Variants in CSGALNACT1 observed in about 807,000 individuals in gnomAD.
CSGALNACT1 encodes chondroitin sulfate N-acetylgalactosaminyltransferase 1, also known as beta4GalNAcT-1.
A neutral mutation model predicts 51.0 loss-of-function variants in CSGALNACT1; 52 were observed. The ratio of observed to expected loss-of-function variants is 1.02; its 90% confidence interval spans 0.82 to 1.29. CSGALNACT1 has a LOEUF of 1.29. Among genes scored for constraint, CSGALNACT1 ranks in the 50% most tolerant of loss-of-function variants. The pLI is 0.00. For synonymous variants in CSGALNACT1, 341 were observed against 254.4 expected (o/e 1.34, Z -3.24); for missense variants, 935 against 679.2 (o/e 1.38, Z -4.19).
At chr8:19,480,050 G>A (rs1302632932) in intron 4 of CSGALNACT1, among the ~76,000 whole-genome samples, 5 of 152,136 alleles carry the variant, frequency 3.3e-5, no homozygotes, top group Non-Finnish European at 5.9e-5. Flanking sequence ...CTACAACAAT[G>A]CATATTTCAG....
At chr8:19,592,930 T>A (rs551930895) in intron 2 of CSGALNACT1, among the ~76,000 whole-genome samples, 1 of 152,358 alleles carries the variant, frequency 6.6e-6, no homozygotes, top group East Asian at 1.9e-4. Context: ...TTTTTCTACT[T>A]TACATTGGGT....
intron 3 of CSGALNACT1, among the ~76,000 whole-genome samples, chr8:19,524,818 A>T (rs577072600): frequency 6.6e-6 from 1 of 152,324 alleles, no homozygotes; most frequent in South Asian, 2.1e-4. Context: ...GAACAGACAT[A>T]AACAAGAACA....
chr8:19,632,181 A>G (rs905466808), intron 1 of CSGALNACT1, among the ~76,000 whole-genome samples: 1 of 152,264 alleles, frequency 6.6e-6, no homozygotes, highest in African/African-American at 2.4e-5. Context: ...ATTTTTTGCA[A>G]ATGTGAACTT....
At chr8:19,661,424 T>A (rs2058734511) in intron 1 of CSGALNACT1, among the ~76,000 whole-genome samples, 1 of 152,210 alleles carries the variant, frequency 6.6e-6, no homozygotes, top group African/African-American at 2.4e-5. Flanking sequence ...ATTTATTAAA[T>A]GAAGGTAAAA....
intron 1 of CSGALNACT1, among the ~76,000 whole-genome samples, chr8:19,693,666 T>C (rs2061443808): frequency 6.6e-6 from 1 of 152,132 alleles, no homozygotes; most frequent in South Asian, 2.1e-4. Context: ...AGTTCTTACC[T>C]GTTTGTGATC....
chr8:19,442,701 C>A (rs1168603869), intron 5 of CSGALNACT1, among the ~76,000 whole-genome samples: 3 of 127,370 alleles, frequency 2.4e-5, no homozygotes, highest in African/African-American at 8.2e-5. Flanking sequence ...CACATGTACC[C>A]TAAAACTTAA....
chr8:19,579,914 G>C (rs1564131687), intron 3 of CSGALNACT1, among the ~76,000 whole-genome samples: 1 of 152,208 alleles, frequency 6.6e-6, no homozygotes, highest in Non-Finnish European at 1.5e-5. Context: ...GGATGAAGAA[G>C]AAGGAAGGGA....
chr8:19,734,808 C>T (rs982922409), intron 1 of CSGALNACT1, among the ~76,000 whole-genome samples: 6 of 151,898 alleles, frequency 4.0e-5, no homozygotes, highest in Admixed American at 3.3e-4. Context: ...AAAACACGCA[C>T]ATAATATATA....
intron 2 of CSGALNACT1, among the ~76,000 whole-genome samples, chr8:19,598,310 C>T (rs1481035961): frequency 6.6e-6 from 1 of 152,200 alleles, no homozygotes; most frequent in African/African-American, 2.4e-5. Flanking sequence ...GCCTCATCTG[C>T]AGAAAACCAA....
At chr8:19,638,822 T>C (rs2056412722) in intron 1 of CSGALNACT1, among the ~76,000 whole-genome samples, 1 of 152,026 alleles carries the variant, frequency 6.6e-6, no homozygotes, top group African/African-American at 2.4e-5. Context: ...TTTTGTAAAT[T>C]CAATAGATGA....
chr8:19,409,522 AAC>A (rs1217366951), intron 8 of CSGALNACT1, among the ~76,000 whole-genome samples: 39 of 149,762 alleles, frequency 2.6e-4, no homozygotes, highest in African/African-American at 7.6e-4. Flanking sequence ...GAGAGAGAGA[AAC>A]ACACACACAA....
intron 4 of CSGALNACT1, among the ~76,000 whole-genome samples, chr8:19,503,593 T>C (rs921354123): frequency 6.6e-6 from 1 of 152,066 alleles, no homozygotes; most frequent in Non-Finnish European, 1.5e-5. Flanking sequence ...TGATGTTTAA[T>C]GATTTTCCCT....
At chr8:19,470,251 C>A (rs547466414) in intron 4 of CSGALNACT1, among the ~76,000 whole-genome samples, 1 of 152,172 alleles carries the variant, frequency 6.6e-6, no homozygotes, top group East Asian at 1.9e-4. Context: ...CAAGGAACCA[C>A]AGGAGCTCAT....
chr8:19,511,647 G>C (rs576573838), intron 3 of CSGALNACT1, among the ~76,000 whole-genome samples: 2 of 152,244 alleles, frequency 1.3e-5, no homozygotes, highest in South Asian at 4.1e-4. Context: ...CTGCCTCCTG[G>C]TATTCATACC....
rs146884891 is a variant in CSGALNACT1 at position 19,439,816 on chromosome 8, C to A, written c.953+14G>T. The A allele has an allele frequency of 6.3e-7, 1 of 1,594,976 alleles. No individual in the cohort carries two copies. The highest frequency in any genetic ancestry group is 1.1e-5 in the South Asian group (1 of 90,628). On this transcript the variant is annotated intron_variant, in intron 6 of 9. Coordinates refer to ENST00000454498, the Ensembl canonical transcript of CSGALNACT1. Reference sequence around the variant, plus strand: ...TTACCAGGATTCCTTATGACAGCTCCGTATTGTACTCACTTGGAAGTGTTT... The same window carrying A: ...TTACCAGGATTCCTTATGACAGCTCAGTATTGTACTCACTTGGAAGTGTTT...
chr8:19,603,392 C>T (rs1270540837), upstream of CSGALNACT1, among the ~76,000 whole-genome samples: 1 of 152,220 alleles, frequency 6.6e-6, no homozygotes, highest in East Asian at 1.9e-4. Context: ...AGAGGGTTGC[C>T]GACTGCCTAG....
At chr8:19,711,545 C>G (rs181994663) in intron 1 of CSGALNACT1, among the ~76,000 whole-genome samples, 1 of 152,240 alleles carries the variant, frequency 6.6e-6, no homozygotes, top group East Asian at 1.9e-4. Context: ...ACAGTATAAC[C>G]CCCTAAATCA....
intron 1 of CSGALNACT1, among the ~76,000 whole-genome samples, chr8:19,627,864 T>C (rs1336454962): frequency 6.6e-6 from 1 of 152,046 alleles, no homozygotes; most frequent in East Asian, 1.9e-4. Flanking sequence ...ACTAGTGAAA[T>C]CTGAATACAG....
At chr8:19,486,353 C>G (rs987199021) in intron 4 of CSGALNACT1, among the ~76,000 whole-genome samples, 8 of 152,124 alleles carry the variant, frequency 5.3e-5, no homozygotes, top group Admixed American at 1.3e-4. Context: ...CTCCCCAAGT[C>G]TATTCTCAAC....
Sources: gnomAD v4.1 joint callset for allele counts (sites outside exome capture counted in the v4.1 genomes callset) on GRCh38, gnomAD v4.1.1 for gene constraint, MANE v1.5 for transcripts, NCBI Gene and HGNC (gene_info 2026-07-23, HGNC 2026-07-21) for gene names.